PERM1: variants seen among roughly 807,000 people sequenced by gnomAD.
The protein encoded by PERM1 is PPARGC1 and ESRR induced regulator, muscle 1.
Under a neutral mutation model 44.1 loss-of-function variants are expected in PERM1, and 45 were observed. That is an observed-to-expected ratio of 1.02 (90% CI 0.80 to 1.31). PERM1 has a LOEUF of 1.31. PERM1 is among the 50% of genes most tolerant of loss of function. The pLI, the probability that PERM1 is intolerant of heterozygous loss-of-function variation, is 0.00. For missense variants in PERM1, 1,189 were observed against 1,106.9 expected (o/e 1.07, Z -1.05); for synonymous variants, 565 against 477.1 (o/e 1.18, Z -2.40).
At chr1:980,830 C>T (rs898913733) in exon 1 of PERM1, 4 of 1,400,776 alleles carry the variant, frequency 2.9e-6, no homozygotes, top group Non-Finnish European at 3.7e-6. Flanking sequence ...GCTCCGCCCT[C>T]CTGCAGCTAG....
chr1:979,058 C>G (rs1438057757), exon 1 of PERM1: 1 of 1,547,004 alleles, frequency 6.5e-7, no homozygotes, highest in East Asian at 2.4e-5. Context: ...TCATAGACCT[C>G]AGGGATGGAG....
rs775015580 is a variant in PERM1 at position 976,454 on chromosome 1, G to T, written c.2275+45C>A. On this transcript the variant is annotated intron_variant, in intron 2 of 2. Coordinates refer to ENST00000433179, the Ensembl canonical transcript of PERM1. Reference sequence around the variant, plus strand: ...CCCCTCGTCCTGCCAGCGCCCCTCGGTCTGGCTTCTAGGCGCAGCTCCCTC... The same window carrying T: ...CCCCTCGTCCTGCCAGCGCCCCTCGTTCTGGCTTCTAGGCGCAGCTCCCTC... The T allele has an allele frequency of 4.5e-6, 7 of 1,549,170 alleles. No individual in the cohort carries two copies. The Admixed American group carries it at 1.4e-4, about 30-fold the overall frequency.
At chr1:980,149 G>A (rs763434938) in exon 1 of PERM1, 18 of 1,550,412 alleles carry the variant, frequency 1.2e-5, no homozygotes, top group East Asian at 7.3e-5. Context: ...GTCTGACTTA[G>A]CCCTTGAGAC....
rs1380122221 is a variant in PERM1, at chr1:980,297, G to A, written c.733C>T (p.Gln245Ter). ...AAACCTGGCCCTGGTCTGTCTTCCT[G>A]CACAGGGGACCTGGGGCCAGGCTCA... is the stretch of plus-strand genomic sequence containing the variant. The change falls in exon 1 of 3, where the codon CAG becomes TAG. Residue 245 changes from glutamine (Q) to a stop codon, truncating the protein, a stop_gained. Coordinates refer to ENST00000433179, the Ensembl canonical transcript of PERM1. LOFTEE classifies it high-confidence loss of function. 3.9e-6 allele frequency: 6 copies of A among 1,550,336 alleles called. No individual in the cohort carries two copies. The African/African-American group carries it at 8.2e-5, about 21-fold the overall frequency.
At chr1:980,437 G>T (rs950471196) in exon 1 of PERM1, 1 of 1,544,320 alleles carries the variant, frequency 6.5e-7, no homozygotes, top group Non-Finnish European at 8.7e-7. Context: ...AGAAGCAGAG[G>T]CTCCTGTGTG....
In PERM1 at chr1:976,172, C is replaced by T. The variant is rs1274270134; in HGVS notation, c.2373G>A (p.Ter791=). 3.9e-6 allele frequency: 6 copies of T among 1,546,512 alleles called. No homozygotes were observed. In the East Asian group the frequency reaches 1.2e-4, roughly 32 times the overall value. Residue 791 remains the stop codon, a stop_retained_variant, in exon 3 of 3, where the codon TAG becomes TAA. Transcript: ENST00000433179. ...CATCTCCCTGGCCCGGGCCTGGCTC[C>T]TAGGAGCTGGGGCTGGGGCTGTGGC...
chr1:976,352 G>C (rs1643606547), intron 2 of PERM1, 83 bp from the exon 4 acceptor site: 3 of 1,476,986 alleles, frequency 2.0e-6, no homozygotes, highest in Non-Finnish European at 2.7e-6. Flanking sequence ...TCAAAGGGCG[G>C]GCAAGGTCGG....
Position 980,843 on chromosome 1 carries a change from G to A in PERM1, c.187C>T (p.Gln63Ter). Residue 63 changes from glutamine to a stop codon, truncating the protein, a stop_gained, in exon 1 of 3, where the codon CAG becomes TAG. Coordinates refer to ENST00000433179, the Ensembl canonical transcript of PERM1. LOFTEE classifies it high-confidence loss of function. ...CGGCTCCGCCCTCCTGCAGCTAGCT[G>A]CCCAGTTGGGAGAGGTGGGGCCCTG... 1 of 1,402,674 alleles carries A rather than the reference G, an allele frequency of 7.1e-7. No homozygotes were observed. The highest frequency in any genetic ancestry group is 9.2e-7 in the Non-Finnish European group (1 of 1,087,412). The allele number at this position is 1,402,674 out of a possible 1,614,324, so 86.9% of individuals were successfully genotyped here.
chr1:979,167 T>C, exon 1 of PERM1: 1 of 1,549,948 alleles, frequency 6.5e-7, no homozygotes, highest in Non-Finnish European at 8.7e-7. Context: ...CTCCAACGTC[T>C]GGGAAGAAGA....
rs1373290899 is a variant in PERM1, at chr1:979,780, G to C, written c.1250C>G (p.Ala417Gly). 8 of 1,550,252 alleles carry C rather than the reference G, an allele frequency of 5.2e-6. No homozygotes were observed. In the Admixed American group the frequency reaches 1.6e-4, roughly 30 times the overall value. The stretch of plus-strand genomic sequence containing the variant: ...CACCTCTAGCTTAGCCACTGGGCCT[G>C]CTGTAGGCAAGGCCACATCCAGGCC... Residue 417 changes from alanine (A) to glycine (G), a missense_variant, in exon 1 of 3, where the codon GCA (alanine) becomes GGA (glycine). Transcript: ENST00000433179.
At chr1:981,979 C>T (rs1432384428), upstream of PERM1, 3 of 1,163,346 alleles carry the variant, frequency 2.6e-6, no homozygotes, top group Middle Eastern at 2.9e-4. Context: ...CCTTCGCCCT[C>T]CTCTCTGGTC....
At chr1:981,548 C>T (rs1403763530), upstream of PERM1, among the ~76,000 whole-genome samples, 5 of 152,238 alleles carry the variant, frequency 3.3e-5, no homozygotes, top group South Asian at 2.1e-4. Context: ...AGCTGGCAGC[C>T]GGCCACAGGA....
exon 3 of PERM1, chr1:976,049 C>T (rs373936884): frequency 6.2e-6 from 6 of 968,486 alleles, no homozygotes; most frequent in African/African-American, 3.4e-5. Flanking sequence ...CCAGGACACG[C>T]CCCCCTCCTG....
exon 1 of PERM1, chr1:980,210 G>C (rs756234018): frequency 1.9e-6 from 3 of 1,550,434 alleles, no homozygotes; most frequent in Non-Finnish European, 2.6e-6. Flanking sequence ...AGCTTGGCTC[G>C]GCGCGGGGTT....
chr1:979,578 G>C, exon 1 of PERM1: 1 of 1,548,338 alleles, frequency 6.5e-7, no homozygotes, highest in Non-Finnish European at 8.7e-7. Flanking sequence ...AGCAGCATCC[G>C]GGGGCCCCTG....
rs1643777534 is a variant in PERM1, at chr1:980,834, C to T, written c.196G>A (p.Ala66Thr). 2.0e-5 allele frequency: 28 copies of T among 1,401,278 alleles called. No homozygotes were observed. In the South Asian group the frequency reaches 4.1e-4, roughly 20 times the overall value. 86.8% of individuals were successfully genotyped at this position (1,401,278 alleles called of 1,614,324 possible). ...CAGCCCCGCCGGCTCCGCCCTCCTGCAGCTAGCTGCCCAGTTGGGAGAGGT... is the reference window on the plus strand; with the variant it reads ...CAGCCCCGCCGGCTCCGCCCTCCTGTAGCTAGCTGCCCAGTTGGGAGAGGT... Residue 66 changes from alanine (A) to threonine (T), a missense_variant, in exon 1 of 3, where the codon GCA becomes ACA. By Grantham distance (58) the Ala-to-Thr change is moderately conservative. Around this residue, in one of 3 missense-constraint regions of PERM1, gnomAD observed 274 missense variants for 317.9 expected, o/e 0.86. Coordinates refer to ENST00000433179, the Ensembl canonical transcript of PERM1.
intron 1 of PERM1, among the ~76,000 whole-genome samples, chr1:978,384 G>A (rs1013706880): frequency 1.3e-4 from 20 of 151,164 alleles, no homozygotes; most frequent in Non-Finnish European, 1.9e-4. Flanking sequence ...GGAACCGCCT[G>A]CCCCGGGAAC....
At chr1:979,725 C>T (rs1342206601) in exon 1 of PERM1, 17 of 1,550,204 alleles carry the variant, frequency 1.1e-5, no homozygotes, top group Non-Finnish European at 1.5e-5. Context: ...TCATCCTCGG[C>T]ACAGCCTCCG....
At chr1:980,963 C>A in exon 1 of PERM1, 1 of 1,467,758 alleles carries the variant, frequency 6.8e-7, no homozygotes, top group Non-Finnish European at 9.0e-7. Flanking sequence ...CCACACTCAT[C>A]GGCGGTGGCT....
Sources: gnomAD v4.1 joint callset for allele counts (sites outside exome capture counted in the v4.1 genomes callset) on GRCh38, gnomAD v4.1.1 for gene constraint, gnomAD v4.1.1 regional missense constraint, MANE v1.5 for transcripts, NCBI Gene and HGNC (gene_info 2026-07-23, HGNC 2026-07-21) for gene names.